The following PJVK variants were observed in gnomAD, a reference collection of about 807,000 sequenced individuals.
The protein encoded by PJVK is pejvakin.
Under a neutral mutation model 37.6 loss-of-function variants are expected in PJVK, and 33 were observed. The ratio of observed to expected loss-of-function variants is 0.88; its 90% CI spans 0.67 to 1.17. The LOEUF (loss-of-function observed/expected upper bound fraction) is 1.17, where lower values mean the gene tolerates loss of function less well. PJVK is among the 50% of genes most tolerant of loss of function. The pLI is 0.00. For synonymous variants in PJVK, 141 were observed against 143.5 expected (o/e 0.98, Z 0.13); for missense variants, 410 against 413.8 (o/e 0.99, Z 0.08).
At chr2:178,457,011 G>A (rs1265036330) in intron 4 of PJVK, among the ~76,000 whole-genome samples, 6 of 151,792 alleles carry the variant, frequency 4.0e-5, no homozygotes, top group Non-Finnish European at 8.8e-5. Context: ...CTCTGTCCCC[G>A]AGGCTGGAGT....
In PJVK at chr2:178,460,437, T is replaced by C; in HGVS notation, c.757T>C (p.Phe253Leu). 1 of 1,613,882 alleles carries C rather than the reference T, an allele frequency of 6.2e-7. No individual in the cohort carries two copies. The highest frequency in any genetic ancestry group is 1.3e-5 in the African/African-American group (1 of 75,066). Reference sequence around the variant, plus strand: ...GCTGTACAGGTTGAGAAATATCCTATTTGAAAGAAGTATGTTTATTGAAGA... The same window carrying C: ...GCTGTACAGGTTGAGAAATATCCTACTTGAAAGAAGTATGTTTATTGAAGA... Reference protein sequence around the residue: ...ALLYRLRNILFERNRRVMDVI... With the variant: ...ALLYRLRNILLERNRRVMDVI... The change falls in exon 6 of 7, where the codon TTT becomes CTT. Residue 253 changes from phenylalanine (F) to leucine (L), a missense_variant. By Grantham distance (22) the Phe-to-Leu change is conservative. Transcript: ENST00000644580.
chr2:178,461,395 C>A lies in PJVK; in HGVS notation c.*121C>A. The stretch of plus-strand genomic sequence containing the variant: ...AATGAGAAAAGCAAAAAGAAATTAA[C>A]CTGTCTGGGTATCATATTCCCTATC... On this transcript the variant is annotated 3_prime_UTR_variant, in exon 7 of 7. Transcript: ENST00000644580. 2.7e-6 allele frequency: 3 copies of A among 1,121,714 alleles called. No individual in the cohort carries two copies. Among genetic ancestry groups the A allele is most frequent in the South Asian group, 1.3e-5 (1 of 74,684 alleles). The allele number at this position is 1,121,714 out of a possible 1,614,324, so 69.5% of individuals were successfully genotyped here.
At position 178,451,695 on chromosome 2, in the gene PJVK, G is replaced by C; in HGVS notation, c.-97G>C. ...CCTGTGTTTAGGAACACGCGGGGAC[G>C]TCCAAACACCCGCTCCTCTCCCGCC... On this transcript the variant is annotated 5_prime_UTR_variant, in exon 1 of 7. Coordinates refer to ENST00000644580, the MANE Select transcript of PJVK (RefSeq NM_001042702.5). 2.3e-6 allele frequency: 2 copies of C among 853,390 alleles called. No individual in the cohort carries two copies. Among genetic ancestry groups the C allele is most frequent in the South Asian group, 5.4e-5 (1 of 18,668 alleles). 52.9% of individuals were successfully genotyped at this position (853,390 alleles called of 1,614,324 possible). A position where few individuals can be genotyped will look rare whatever the true frequency, so the allele number is the denominator to read the frequency against.
Position 178,453,261 on chromosome 2 carries a change from A to G in PJVK, c.-22-127A>G, listed in dbSNP as rs1286979037. ...CATGAGCAGAGGCAGGGAATTATAC[A>G]GTGGTAAACTACTTGGTGAAACCAT... On this transcript the variant is annotated intron_variant, in intron 1 of 6. Coordinates refer to ENST00000644580, the MANE Select transcript of PJVK (RefSeq NM_001042702.5). The G allele has an allele frequency of 5.5e-5, 42 of 764,660 alleles. No homozygotes were observed. In the East Asian group the frequency reaches 1.0e-3, roughly 19 times the overall value. The allele number at this position is 764,660 out of a possible 1,614,324, so 47.4% of individuals were successfully genotyped here.
chr2:178,453,524 A>C lies in PJVK; in HGVS notation c.115A>C (p.Lys39Gln). The C allele has an allele frequency of 1.9e-6, 3 of 1,614,176 alleles. No homozygotes were observed. The highest frequency in any genetic ancestry group is 2.5e-6 in the Non-Finnish European group (3 of 1,180,010). The stretch of plus-strand genomic sequence containing the variant: ...ATATCAACCTCTAAGTCTGGTGGTA[A>C]AAAAGAAGCGATGCTTTCTGTTTCC... Reference protein sequence around the residue: ...DKYQPLSLVVKKKRCFLFPRY... With the variant: ...DKYQPLSLVVQKKRCFLFPRY... The change falls in exon 2 of 7, where the codon AAA becomes CAA. Residue 39 changes from lysine to glutamine, a missense_variant. Physicochemically the swap from Lys to Gln is moderately conservative, Grantham distance 53. Coordinates refer to ENST00000644580, the MANE Select transcript of PJVK (RefSeq NM_001042702.5).
chr2:178,461,460 G>C lies in PJVK; in HGVS notation c.*186G>C, dbSNP rs1684506259. The stretch of plus-strand genomic sequence containing the variant: ...TATAACAGTAGTGTCTATTTCTTAA[G>C]TTGTCATGAAAATTAATAACATTGT... On this transcript the variant is annotated 3_prime_UTR_variant, in exon 7 of 7. Transcript: ENST00000644580. 2 of 586,616 alleles carry C rather than the reference G, an allele frequency of 3.4e-6. No individual in the cohort carries two copies. Among genetic ancestry groups the C allele is most frequent in the Non-Finnish European group, 5.9e-6 (2 of 341,738 alleles). The allele number at this position is 586,616 out of a possible 1,614,324, so 36.3% of individuals were successfully genotyped here.
In PJVK at chr2:178,451,582, A is replaced by G. The variant is rs1318240584; in HGVS notation, c.-210A>G. On this transcript the variant is annotated 5_prime_UTR_variant, in exon 1 of 7. Transcript: ENST00000644580. ...TCTAAAATTACGAAGGCAGAATTCCAGGGAGTCTCCCGGGCCTGGTCCTGA... is the reference window on the plus strand; with the variant it reads ...TCTAAAATTACGAAGGCAGAATTCCGGGGAGTCTCCCGGGCCTGGTCCTGA... The G allele has an allele frequency of 3.2e-5, 5 of 155,024 alleles. No individual in the cohort carries two copies. Among genetic ancestry groups the G allele is most frequent in the Non-Finnish European group, 7.1e-5 (5 of 70,300 alleles). 9.6% of individuals were successfully genotyped at this position (155,024 alleles called of 1,614,324 possible). A position where few individuals can be genotyped will look rare whatever the true frequency, so the allele number is the denominator to read the frequency against.
In PJVK at chr2:178,460,331, A is replaced by G. The variant is rs773529914; in HGVS notation, c.668-17A>G. 1.8e-5 allele frequency: 29 copies of G among 1,603,498 alleles called. No individual in the cohort carries two copies. The highest frequency in any genetic ancestry group is 2.1e-5 in the Non-Finnish European group (24 of 1,170,538). On this transcript the variant is annotated splice_polypyrimidine_tract_variant and intron_variant, in intron 5 of 6. Transcript: ENST00000644580. ...AATTATTCAAGTTATAACATCTTCTAACAATTTTTTTTGTAGACCTTTGTG... is the reference window on the plus strand; with the variant it reads ...AATTATTCAAGTTATAACATCTTCTGACAATTTTTTTTGTAGACCTTTGTG...
chr2:178,457,676 G>A, intron 4 of PJVK, among the ~76,000 whole-genome samples: 1 of 152,160 alleles, frequency 6.6e-6, no homozygotes, highest in East Asian at 1.9e-4. Context: ...CCAACTAGGG[G>A]CCCGGGGCCA....
intron 1 of PJVK, chr2:178,452,420 TTC>T: frequency 1.0e-6 from 1 of 985,402 alleles, no homozygotes; most frequent in Non-Finnish European, 1.2e-6. Context: ...TTAGAGCCTA[TTC>T]TCTCTTCCTC....
At position 178,451,393 on chromosome 2, in the gene PJVK, A is replaced by T. The variant is rs571755272; in HGVS notation, c.-399A>T. On this transcript the variant is annotated 5_prime_UTR_variant, in exon 1 of 7. Transcript: ENST00000644580. ...TGCCGGCCCTGACCAGCCTGTAGTA[A>T]CTGGCCCCTAGGCCGCAGTTCTTTG... 3.3e-6 allele frequency: 1 copy of T among 306,526 alleles called. No homozygotes were observed. Among genetic ancestry groups the T allele is most frequent in the African/African-American group, 2.2e-5 (1 of 44,674 alleles). The allele number at this position is 306,526 out of a possible 1,614,324, so 19.0% of individuals were successfully genotyped here.
rs1684061146 is a variant in PJVK, at chr2:178,456,111, C to T, written c.509C>T (p.Ser170Leu). ...AGCATCCGAACCACACGACAGTGCT[C>T]ACTGTCTGTGCATGCTGGAATTCGA... ...MESIRTTRQC[S>L]LSVHAGIRGE... The change falls in exon 4 of 7, where the codon TCA (serine) becomes TTA (leucine). Residue 170 changes from serine to leucine, a missense_variant. Transcript: ENST00000644580. 1 of 1,613,980 alleles carries T rather than the reference C, an allele frequency of 6.2e-7. No individual in the cohort carries two copies. Among genetic ancestry groups the T allele is most frequent in the Admixed American group, 1.7e-5 (1 of 59,988 alleles).
intron 3 of PJVK, chr2:178,455,384 G>A (rs1575115831): frequency 1.5e-6 from 2 of 1,359,014 alleles, no homozygotes; most frequent in South Asian, 1.2e-5. Context: ...GAAGTTCATG[G>A]ATCAGCATCC....
At chr2:178,451,876 C>G (rs1195762929) in intron 1 of PJVK, 107 bp downstream of exon 1, 6 of 983,400 alleles carry the variant, frequency 6.1e-6, no homozygotes, top group Non-Finnish European at 6.0e-6. Flanking sequence ...CTTTGGTGGG[C>G]CATTAGATGA....
chr2:178,453,425 A>G lies in PJVK; in HGVS notation c.16A>G (p.Thr6Ala). 3.7e-6 allele frequency: 6 copies of G among 1,614,148 alleles called. No homozygotes were observed. The highest frequency in any genetic ancestry group is 5.1e-6 in the Non-Finnish European group (6 of 1,179,996). MFAAA[T>A]KSFVKQVGDG... ...TGATTTTAATATGTTTGCTGCTGCT[A>G]CCAAGAGCTTTGTCAAGCAAGTTGG... Residue 6 changes from threonine to alanine, a missense_variant, in exon 2 of 7, where the codon ACC becomes GCC. Transcript: ENST00000644580.
intron 2 of PJVK, chr2:178,454,056 T>A: frequency 2.8e-6 from 1 of 352,916 alleles, no homozygotes; most frequent in South Asian, 3.6e-5. Flanking sequence ...TTACTACTTA[T>A]AAACGCTTAT....
intron 5 of PJVK, 21 bp downstream of exon 5, chr2:178,458,648 A>G: frequency 6.5e-7 from 1 of 1,531,514 alleles, no homozygotes; most frequent in Non-Finnish European, 9.1e-7. Context: ...GGTCTGCATG[A>G]AATACAAATG....
Position 178,459,210 on chromosome 2 carries a change from GCCAACTGGAACAAGTCCAGGTGTAGC to G in PJVK, c.667+588_667+613del, listed in dbSNP as rs1025962212. 3.2e-5 allele frequency: 15 copies of G among 471,994 alleles called. No individual in the cohort carries two copies. In the Admixed American group the frequency reaches 3.3e-4, roughly 10 times the overall value. 29.2% of individuals were successfully genotyped at this position (471,994 alleles called of 1,614,324 possible). A position where few individuals can be genotyped will look rare whatever the true frequency, so the allele number is the denominator to read the frequency against. On this transcript the variant is annotated intron_variant, in intron 5 of 6. Transcript: ENST00000644580. ...TTTCACAGGTCTTTAAGGTCTGTTG[GCCAACTGGAACAAGTCCAGGTGTAGC>G]CCAAGGGATCAGGAAAGGCAGCCCC...
chr2:178,453,491 G>A lies in PJVK; in HGVS notation c.82G>A (p.Ala28Thr). ...RLVPVPSLSE[A>T]DKYQPLSLVV... ...AGTTCCTGTTCCAAGCCTCAGTGAA[G>A]CTGACAAATATCAACCTCTAAGTCT... The change falls in exon 2 of 7, where the codon GCT becomes ACT. Residue 28 changes from alanine (A) to threonine (T), a missense_variant. Transcript: ENST00000644580. 1.2e-6 allele frequency: 2 copies of A among 1,614,138 alleles called. No individual in the cohort carries two copies. Among genetic ancestry groups the A allele is most frequent in the Non-Finnish European group, 1.7e-6 (2 of 1,180,018 alleles).
Sources: gnomAD v4.1 joint callset for allele counts (sites outside exome capture counted in the v4.1 genomes callset) on GRCh38, gnomAD v4.1.1 for gene constraint, MANE v1.5 for transcripts, NCBI Gene and HGNC (gene_info 2026-07-23, HGNC 2026-07-21) for gene names.